The following MPPED2 variants were observed in gnomAD, a reference collection of about 807,000 sequenced individuals.
The protein encoded by MPPED2 is metallophosphoesterase MPPED2.
Under a neutral mutation model 33.0 loss-of-function variants are expected in MPPED2, and 5 were observed. The ratio of observed to expected loss-of-function variants is 0.15; its 90% CI spans 0.08 to 0.32. The LOEUF is 0.32. Among genes scored for constraint, MPPED2 ranks in the 10% least tolerant of loss-of-function variants. The probability of loss-of-function intolerance (pLI) is 1.00; values close to 1 mark genes in which losing one functional copy is unlikely to be tolerated. For missense variants in MPPED2, 275 were observed against 372.1 expected (o/e 0.74, Z 2.15); for synonymous variants, 136 against 141.9 (o/e 0.96, Z 0.29).
intron 4 of MPPED2, among the ~76,000 whole-genome samples, chr11:30,462,361 A>G (rs894261094): frequency 2.0e-5 from 3 of 152,172 alleles, no homozygotes; most frequent in African/African-American, 7.2e-5. Context: ...CTGGAAAGAG[A>G]GCAAAAATCA....
At chr11:30,472,360 C>T (rs557016958) in intron 4 of MPPED2, among the ~76,000 whole-genome samples, 73 of 147,024 alleles carry the variant, frequency 5.0e-4, no homozygotes, top group African/African-American at 1.3e-3. Context: ...GGGCCTGTCT[C>T]GAATAATAAT....
intron 2 of MPPED2, among the ~76,000 whole-genome samples, chr11:30,562,963 T>A (rs1273058413): frequency 6.6e-6 from 1 of 152,168 alleles, no homozygotes; most frequent in Non-Finnish European, 1.5e-5. Flanking sequence ...TTATCCTGAC[T>A]GCTAAACCAA....
At chr11:30,531,487 G>T (rs961946987) in intron 3 of MPPED2, among the ~76,000 whole-genome samples, 4 of 152,182 alleles carry the variant, frequency 2.6e-5, no homozygotes, top group Non-Finnish European at 4.4e-5. Flanking sequence ...GGGCCAATGC[G>T]GTGGTAGCTG....
chr11:30,468,281 T>C (rs1317272657), intron 4 of MPPED2, among the ~76,000 whole-genome samples: 1 of 129,082 alleles, frequency 7.7e-6, no homozygotes, highest in East Asian at 2.3e-4. Context: ...CTCTCTCTCT[T>C]TCAATATGCA....
At chr11:30,529,166 T>A (rs1316075581) in intron 3 of MPPED2, among the ~76,000 whole-genome samples, 1 of 152,214 alleles carries the variant, frequency 6.6e-6, no homozygotes, top group Non-Finnish European at 1.5e-5. Context: ...CTCATAGTTT[T>A]ATCAATTTTA....
At chr11:30,484,880 G>C (rs1951648584) in intron 4 of MPPED2, among the ~76,000 whole-genome samples, 1 of 151,972 alleles carries the variant, frequency 6.6e-6, no homozygotes, top group Admixed American at 6.6e-5. Flanking sequence ...ACACAAACAG[G>C]GGTAAGCATT....
chr11:30,576,731 C>A (rs1019558813), intron 2 of MPPED2, among the ~76,000 whole-genome samples: 1 of 151,772 alleles, frequency 6.6e-6, no homozygotes, highest in African/African-American at 2.4e-5. Context: ...AAAATGAAAC[C>A]CTGTTAATTG....
At chr11:30,567,115 T>C (rs1423308088) in intron 2 of MPPED2, among the ~76,000 whole-genome samples, 3 of 152,124 alleles carry the variant, frequency 2.0e-5, no homozygotes, top group Admixed American at 6.6e-5. Flanking sequence ...CATCTTTCCT[T>C]CAATGTCAGC....
chr11:30,443,514 G>A (rs975374434), intron 4 of MPPED2, among the ~76,000 whole-genome samples: 10 of 152,082 alleles, frequency 6.6e-5, no homozygotes, highest in East Asian at 1.9e-4. Context: ...GAGAGAAGAC[G>A]GGGCAGGGAT....
rs372311273 is a variant in MPPED2 at position 30,515,848 on chromosome 11, C to T, written c.310+20146G>A. On this transcript the variant is annotated intron_variant, in intron 3 of 6. Transcript: ENST00000358117. The stretch of plus-strand genomic sequence containing the variant: ...AAGAAAACTTTAAAATCCCATCAAG[C>T]GAAGATCACAATCATTTCAGGAACT... 9.9e-5 allele frequency among the ~76,000 whole-genome samples: 15 copies of T among 152,198 alleles called. No homozygotes were observed. The East Asian group carries it at 1.7e-3, about 18-fold the overall frequency.
chr11:30,547,194 A>G (rs984798106), intron 2 of MPPED2, among the ~76,000 whole-genome samples: 1 of 152,186 alleles, frequency 6.6e-6, no homozygotes, highest in African/African-American at 2.4e-5. Flanking sequence ...GCAACTTCAA[A>G]CACTAACAAA....
At chr11:30,512,476 A>G (rs1565141209) in intron 3 of MPPED2, among the ~76,000 whole-genome samples, 1 of 152,174 alleles carries the variant, frequency 6.6e-6, no homozygotes, top group African/African-American at 2.4e-5. Context: ...AATTTACAAA[A>G]CAAACAAACA....
At chr11:30,476,700 T>C (rs912900669) in intron 4 of MPPED2, among the ~76,000 whole-genome samples, 6 of 152,080 alleles carry the variant, frequency 3.9e-5, no homozygotes, top group Admixed American at 1.3e-4. Context: ...TATTTTTTTA[T>C]ACTCACTTTG....
chr11:30,562,362 A>G (rs1956272864), intron 2 of MPPED2, among the ~76,000 whole-genome samples: 1 of 152,134 alleles, frequency 6.6e-6, no homozygotes, highest in Non-Finnish European at 1.5e-5. Context: ...TCTGAAATGA[A>G]AGTAATGTGT....
chr11:30,480,298 C>A (rs1435452937), intron 4 of MPPED2, among the ~76,000 whole-genome samples: 1 of 151,980 alleles, frequency 6.6e-6, no homozygotes, highest in Non-Finnish European at 1.5e-5. Context: ...AGAACTAGAA[C>A]CTTTTAAATG....
At chr11:30,463,474 C>T (rs1461062803) in intron 4 of MPPED2, among the ~76,000 whole-genome samples, 4 of 152,194 alleles carry the variant, frequency 2.6e-5, no homozygotes, top group Non-Finnish European at 2.9e-5. Flanking sequence ...ACCCCTTTAG[C>T]CCTGGAGGTT....
chr11:30,396,314 C>T (rs900534165), intron 6 of MPPED2, among the ~76,000 whole-genome samples: 3 of 152,208 alleles, frequency 2.0e-5, no homozygotes, highest in African/African-American at 7.2e-5. Flanking sequence ...CAAATATCCA[C>T]TGCTAAATAT....
At chr11:30,513,363 G>A (rs986392050) in intron 3 of MPPED2, among the ~76,000 whole-genome samples, 1 of 152,118 alleles carries the variant, frequency 6.6e-6, no homozygotes, top group Admixed American at 6.5e-5. Context: ...TTTGTTTCAA[G>A]AGGTCTAGCC....
intron 6 of MPPED2, among the ~76,000 whole-genome samples, chr11:30,401,860 ATTTTTTTTTTTTT>A (rs1947913381): frequency 1.2e-5 from 1 of 85,948 alleles, no homozygotes; most frequent in Non-Finnish European, 3.5e-5. Context: ...AATTTTTTGT[ATTTTTTTTTTTTT>A]CTTTTAGTAG....
Sources: gnomAD v4.1 joint callset for allele counts (sites outside exome capture counted in the v4.1 genomes callset) on GRCh38, gnomAD v4.1.1 for gene constraint, MANE v1.5 for transcripts, NCBI Gene and HGNC (gene_info 2026-07-23, HGNC 2026-07-21) for gene names.